PAN3: variants seen among roughly 807,000 people sequenced by gnomAD.
PAN3 encodes the protein poly(A) specific ribonuclease subunit PAN3.
A neutral mutation model predicts 96.2 loss-of-function variants in PAN3; 19 were observed. The ratio of observed to expected loss-of-function variants is 0.20; its 90% CI spans 0.14 to 0.29. The LOEUF (loss-of-function observed/expected upper bound fraction) is 0.29. Among genes scored for constraint, PAN3 ranks in the 10% least tolerant of loss-of-function variants. The pLI, the probability that PAN3 is intolerant of heterozygous loss-of-function variation, is 1.00. For missense variants in PAN3, 882 were observed against 1,108.1 expected (o/e 0.80, Z 2.90); for synonymous variants, 433 against 406.6 (o/e 1.06, Z -0.78).
rs1391471303 is a variant in PAN3 at position 28,138,804 on chromosome 13, C to T, written c.147C>T (p.Cys49=). ...CGGTAGGAGTGAAGCTGAAGTACTG[C>T]CGCTACTACGCTAAGGATAAGACTT... ...GAAVGVKLKY[C]RYYAKDKTCF... Residue 49 remains cysteine, a synonymous_variant, in exon 1 of 19, where the codon TGC becomes TGT. Transcript: ENST00000380958. 1 of 1,404,728 alleles carries T rather than the reference C, an allele frequency of 7.1e-7. No individual in the cohort carries two copies. Among genetic ancestry groups the T allele is most frequent in the Non-Finnish European group, 9.2e-7 (1 of 1,082,404 alleles). The allele number at this position is 1,404,728 out of a possible 1,614,324, so 87.0% of individuals were successfully genotyped here. A position where few individuals can be genotyped will look rare whatever the true frequency, so the allele number is the denominator to read the frequency against.
intron 9 of PAN3, among the ~76,000 whole-genome samples, chr13:28,262,635 G>T (rs1489985666): frequency 2.0e-5 from 3 of 152,096 alleles, no homozygotes; most frequent in Non-Finnish European, 4.4e-5. Flanking sequence ...AAAATGGAAG[G>T]CACAAAGACC....
intron 18 of PAN3, among the ~76,000 whole-genome samples, chr13:28,290,997 T>C (rs1869681013): frequency 6.6e-6 from 1 of 152,116 alleles, no homozygotes; most frequent in Non-Finnish European, 1.5e-5. Context: ...TTAGGATAAT[T>C]GAAAATTTGA....
intron 6 of PAN3, among the ~76,000 whole-genome samples, chr13:28,235,429 G>A (rs1270815628): frequency 6.6e-6 from 1 of 152,012 alleles, no homozygotes; most frequent in Non-Finnish European, 1.5e-5. Context: ...TACATCTCCT[G>A]TTCTTTAAGA....
intron 4 of PAN3, among the ~76,000 whole-genome samples, chr13:28,187,890 C>T (rs1023217770): frequency 6.6e-6 from 1 of 152,090 alleles, no homozygotes; most frequent in East Asian, 1.9e-4. Flanking sequence ...GACTGGGTCT[C>T]ACTCTGTTGC....
chr13:28,198,587 T>C (rs1247075006), intron 5 of PAN3, among the ~76,000 whole-genome samples: 1 of 152,216 alleles, frequency 6.6e-6, no homozygotes, highest in African/African-American at 2.4e-5. Flanking sequence ...ACAAAAAAAT[T>C]TATATGCCAT....
chr13:28,214,393 G>A (rs1423885077), intron 5 of PAN3: 1 of 161,430 alleles, frequency 6.2e-6, no homozygotes, highest in African/African-American at 2.5e-5. Context: ...CAATACAAAT[G>A]AAGTATTGAT....
At chr13:28,177,701 T>G (rs1455216984) in intron 3 of PAN3, among the ~76,000 whole-genome samples, 164 bp from the exon 4 acceptor site, 3 of 152,240 alleles carry the variant, frequency 2.0e-5, no homozygotes, top group Non-Finnish European at 4.4e-5. Flanking sequence ...TTCACCAGTT[T>G]GTGTTTTATT....
chr13:28,282,163 G>T (rs776686373), intron 17 of PAN3, among the ~76,000 whole-genome samples: 1 of 152,128 alleles, frequency 6.6e-6, no homozygotes, highest in South Asian at 2.1e-4. Context: ...CACCTCATTT[G>T]TAAGTTAATG....
chr13:28,256,853 A>G (rs1048617232), intron 7 of PAN3, among the ~76,000 whole-genome samples: 10 of 152,154 alleles, frequency 6.6e-5, no homozygotes, highest in African/African-American at 2.4e-4. Flanking sequence ...GCCTGCTGAC[A>G]TTTGTTTATA....
chr13:28,177,553 G>A (rs1322896840), intron 3 of PAN3, among the ~76,000 whole-genome samples: 1 of 151,466 alleles, frequency 6.6e-6, no homozygotes, highest in East Asian at 1.9e-4. Flanking sequence ...ATTTACTTTA[G>A]GTCAACTTAC....
At chr13:28,175,635 T>C (rs1460238492) in intron 2 of PAN3, among the ~76,000 whole-genome samples, 1 of 152,192 alleles carries the variant, frequency 6.6e-6, no homozygotes, top group Admixed American at 6.5e-5. Context: ...TTAACTTATT[T>C]CGTGTAGATA....
chr13:28,200,386 A>G (rs1053277649), intron 5 of PAN3, among the ~76,000 whole-genome samples: 1 of 152,206 alleles, frequency 6.6e-6, no homozygotes, highest in Admixed American at 6.5e-5. Flanking sequence ...ATCTTGACCT[A>G]ACATCTTGGT....
At chr13:28,162,836 T>C (rs546689089) in intron 1 of PAN3, among the ~76,000 whole-genome samples, 1 of 151,162 alleles carries the variant, frequency 6.6e-6, no homozygotes, top group South Asian at 2.1e-4. Context: ...AGGGAGACTT[T>C]TTCTCAAAAA....
rs540309463 is a variant in PAN3 at position 28,256,152 on chromosome 13, T to C, written c.1001-140T>C. 8 of 931,778 alleles carry C rather than the reference T, an allele frequency of 8.6e-6. No homozygotes were observed. In the South Asian group the frequency reaches 1.4e-4, roughly 16 times the overall value. The allele number at this position is 931,778 out of a possible 1,614,324, so 57.7% of individuals were successfully genotyped here. ...GAGCTTTTTCTACAACAAAACAAGA[T>C]AAAATTATTTCCTTCATCTTTGCAC... On this transcript the variant is annotated intron_variant, in intron 6 of 18. Coordinates refer to ENST00000380958, the MANE Select transcript of PAN3 (RefSeq NM_175854.8).
At chr13:28,252,105 T>C (rs1011221731) in intron 6 of PAN3, among the ~76,000 whole-genome samples, 10 of 151,674 alleles carry the variant, frequency 6.6e-5, no homozygotes, top group Non-Finnish European at 1.5e-4. Flanking sequence ...CCAGGCTGGT[T>C]TTGAACTCCT....
At chr13:28,277,975 C>G (rs2138705366) in intron 15 of PAN3, among the ~76,000 whole-genome samples, 1 of 152,344 alleles carries the variant, frequency 6.6e-6, no homozygotes, top group Admixed American at 6.5e-5. Context: ...TTAAGAGAAA[C>G]CCATTGTGTG....
intron 6 of PAN3, among the ~76,000 whole-genome samples, chr13:28,228,620 T>C (rs1241718587): frequency 6.6e-6 from 1 of 152,164 alleles, no homozygotes; most frequent in East Asian, 1.9e-4. Context: ...TAGTAACTAA[T>C]AACTAGTAGT....
At chr13:28,252,254 C>A (rs1593566489) in intron 6 of PAN3, among the ~76,000 whole-genome samples, 1 of 142,710 alleles carries the variant, frequency 7.0e-6, no homozygotes, top group African/African-American at 2.6e-5. Flanking sequence ...TGTTTTATCT[C>A]ACAGTTCTGT....
intron 1 of PAN3, among the ~76,000 whole-genome samples, chr13:28,151,119 G>A (rs1871308036): frequency 6.6e-6 from 1 of 152,176 alleles, no homozygotes; most frequent in South Asian, 2.1e-4. Flanking sequence ...CTCAGGCAGA[G>A]GGATAGAAGG....
Sources: gnomAD v4.1 joint callset for allele counts (sites outside exome capture counted in the v4.1 genomes callset) on GRCh38, gnomAD v4.1.1 for gene constraint, MANE v1.5 for transcripts, NCBI Gene and HGNC (gene_info 2026-07-23, HGNC 2026-07-21) for gene names.